Variants in MAML2 observed in about 807,000 individuals in gnomAD.
MAML2 encodes the protein mastermind-like protein 2.
A neutral mutation model predicts 96.1 loss-of-function variants in MAML2; 22 were observed. The observed-to-expected ratio is 0.23, with a 90% CI of 0.16 to 0.33. The LOEUF is 0.33. MAML2 is among the 10% of genes least tolerant of loss of function. The probability of loss-of-function intolerance (pLI) is 1.00; values close to 1 mark genes in which losing one functional copy is unlikely to be tolerated. For missense variants in MAML2, 1,367 were observed against 1,392.4 expected (o/e 0.98, Z 0.29); for synonymous variants, 561 against 521.3 (o/e 1.08, Z -1.04).
chr11:96,148,654 A>G lies in MAML2; in HGVS notation c.514-55137T>C, dbSNP rs554167637. Among the ~76,000 whole-genome samples the G allele has an allele frequency of 5.3e-5, 7 of 132,370 alleles. No individual in the cohort carries two copies. The South Asian group carries it at 1.5e-3, about 29-fold the overall frequency. 86.8% of individuals were successfully genotyped at this position (132,370 alleles called of 152,430 possible). ...TGGCCTGAAAAGTCTGAAAATTCTG[A>G]AAAATACACACACACACACACACAC... On this transcript the variant is annotated intron_variant, in intron 1 of 4. Coordinates refer to ENST00000524717, the MANE Select transcript of MAML2 (RefSeq NM_032427.4).
chr11:96,094,541 T>A (rs1388974811), intron 1 of MAML2, among the ~76,000 whole-genome samples: 1 of 152,200 alleles, frequency 6.6e-6, no homozygotes, highest in Admixed American at 6.5e-5. Context: ...CATGTTTAAG[T>A]TTTTTTGTGA....
At chr11:96,166,219 C>A (rs1861192510) in intron 1 of MAML2, among the ~76,000 whole-genome samples, 1 of 130,822 alleles carries the variant, frequency 7.6e-6, no homozygotes, top group South Asian at 2.4e-4. Flanking sequence ...ACACACACCC[C>A]ACATTATGAA....
intron 3 of MAML2, among the ~76,000 whole-genome samples, chr11:95,988,520 A>G (rs1857863812): frequency 6.8e-6 from 1 of 147,670 alleles, no homozygotes; most frequent in African/African-American, 2.5e-5. Flanking sequence ...TTTCATTTAT[A>G]TATATATAAT....
chr11:96,006,352 A>C (rs1049848099), intron 2 of MAML2, among the ~76,000 whole-genome samples: 3 of 152,178 alleles, frequency 2.0e-5, no homozygotes, highest in African/African-American at 7.2e-5. Flanking sequence ...TTTTAGAAAA[A>C]TGATAACCTT....
At chr11:96,117,652 A>G (rs1436528746) in intron 1 of MAML2, among the ~76,000 whole-genome samples, 1 of 152,218 alleles carries the variant, frequency 6.6e-6, no homozygotes, top group African/African-American at 2.4e-5. Context: ...TATGCAAATA[A>G]GCATCATTAA....
chr11:96,125,955 G>A (rs1241919673), intron 1 of MAML2, among the ~76,000 whole-genome samples: 3 of 152,262 alleles, frequency 2.0e-5, no homozygotes, highest in African/African-American at 4.8e-5. Context: ...TGGCAAAGAG[G>A]CCCATTATGG....
intron 1 of MAML2, among the ~76,000 whole-genome samples, chr11:96,112,685 C>T (rs142786012): frequency 1.3e-5 from 2 of 152,384 alleles, no homozygotes; most frequent in East Asian, 3.9e-4. Flanking sequence ...CTTGCCCCAA[C>T]TTCACCTTCT....
At chr11:96,098,229 G>A (rs955473574) in intron 1 of MAML2, among the ~76,000 whole-genome samples, 11 of 152,174 alleles carry the variant, frequency 7.2e-5, no homozygotes, top group African/African-American at 2.7e-4. Context: ...ATATAGGAGA[G>A]GAAAGAGACA....
intron 2 of MAML2, among the ~76,000 whole-genome samples, chr11:96,049,394 T>C (rs1291539716): frequency 6.6e-6 from 1 of 152,246 alleles, no homozygotes; most frequent in Non-Finnish European, 1.5e-5. Context: ...AAAGTCCCTT[T>C]TCTTTTTTTG....
chr11:96,086,408 C>G (rs1298590390), intron 2 of MAML2, among the ~76,000 whole-genome samples: 1 of 151,772 alleles, frequency 6.6e-6, no homozygotes, highest in Admixed American at 6.6e-5. Context: ...AAATACCTAA[C>G]AAAACTCCAG....
At chr11:96,128,324 G>C (rs1860486866) in intron 1 of MAML2, among the ~76,000 whole-genome samples, 1 of 152,088 alleles carries the variant, frequency 6.6e-6, no homozygotes, top group Non-Finnish European at 1.5e-5. Context: ...AACCTGGAAG[G>C]CGGAGGTTGC....
At chr11:96,232,761 C>T (rs926873263) in intron 1 of MAML2, among the ~76,000 whole-genome samples, 8 of 152,308 alleles carry the variant, frequency 5.3e-5, no homozygotes, top group African/African-American at 1.7e-4. Flanking sequence ...CGTGAGCCAC[C>T]GCGCCCGGCC....
At chr11:96,281,654 C>A (rs925108245) in intron 1 of MAML2, among the ~76,000 whole-genome samples, 2 of 151,970 alleles carry the variant, frequency 1.3e-5, no homozygotes, top group Admixed American at 1.3e-4. Context: ...AGGGGATCAC[C>A]AGTTTAAGAC....
chr11:96,238,142 CTTT>C, intron 1 of MAML2, among the ~76,000 whole-genome samples: 1 of 152,170 alleles, frequency 6.6e-6, no homozygotes, highest in South Asian at 2.1e-4. Flanking sequence ...TAGTACAGAG[CTTT>C]AGTTGTTTAG....
At chr11:96,230,957 C>T (rs1862285204) in intron 1 of MAML2, among the ~76,000 whole-genome samples, 1 of 152,192 alleles carries the variant, frequency 6.6e-6, no homozygotes, top group Admixed American at 6.5e-5. Flanking sequence ...AGCTACATTT[C>T]CATGTTTAGT....
At chr11:96,086,066 A>G (rs1257706560) in intron 2 of MAML2, among the ~76,000 whole-genome samples, 1 of 152,230 alleles carries the variant, frequency 6.6e-6, no homozygotes, top group Non-Finnish European at 1.5e-5. Flanking sequence ...TGGATTGTTA[A>G]GGATTGAGAA....
At chr11:96,300,360 A>C (rs541167089) in intron 1 of MAML2, among the ~76,000 whole-genome samples, 1 of 152,352 alleles carries the variant, frequency 6.6e-6, no homozygotes, top group South Asian at 2.1e-4. Flanking sequence ...ACCTGAATAT[A>C]GCAGACAGCT....
At chr11:96,095,959 T>C (rs1231847111) in intron 1 of MAML2, among the ~76,000 whole-genome samples, 3 of 152,126 alleles carry the variant, frequency 2.0e-5, no homozygotes, top group Non-Finnish European at 2.9e-5. Flanking sequence ...TCACAGAACA[T>C]GGTCAGCTAT....
At chr11:96,129,106 T>C (rs1488942510) in intron 1 of MAML2, among the ~76,000 whole-genome samples, 1 of 152,150 alleles carries the variant, frequency 6.6e-6, no homozygotes, top group African/African-American at 2.4e-5. Flanking sequence ...GATTTACCAA[T>C]AATCATACAT....
Sources: gnomAD v4.1 joint callset for allele counts (sites outside exome capture counted in the v4.1 genomes callset) on GRCh38, gnomAD v4.1.1 for gene constraint, MANE v1.5 for transcripts, NCBI Gene and HGNC (gene_info 2026-07-23, HGNC 2026-07-21) for gene names.